Variants in LYZL2 observed in about 807,000 individuals in gnomAD.
LYZL2 encodes the protein lysozyme like 2, also known as lysozyme-like protein 2.
LYZL2 carries 13 observed loss-of-function variants against 17.1 expected under a neutral mutation model. That is an observed-to-expected ratio of 0.76 (90% CI 0.49 to 1.21). The LOEUF (loss-of-function observed/expected upper bound fraction) is 1.21. Ranked by LOEUF, LYZL2 falls within the 50% of genes most tolerant of loss-of-function variation. The pLI is 0.00. For missense variants in LYZL2, 166 were observed against 189.2 expected (o/e 0.88, Z 0.72); for synonymous variants, 63 against 74.4 (o/e 0.85, Z 0.79).
chr10:30,629,524 A>G (rs1352199108), intron 1 of LYZL2, 69 bp downstream of exon 1: 8 of 1,541,762 alleles, frequency 5.2e-6, no homozygotes, highest in Non-Finnish European at 6.2e-6. Context: ...CATGTTCTAC[A>G]TCCTTCAAGA....
intron 3 of LYZL2, among the ~76,000 whole-genome samples, chr10:30,617,703 AG>A (rs1258884460): frequency 1.4e-3 from 213 of 148,516 alleles, no homozygotes; most frequent in Non-Finnish European, 2.3e-3. Flanking sequence ...AAAAAAGAAA[AG>A]AAAAAGAAAA....
intron 3 of LYZL2, among the ~76,000 whole-genome samples, chr10:30,620,219 T>A (rs143974090): frequency 6.6e-6 from 1 of 152,346 alleles, no homozygotes; most frequent in East Asian, 1.9e-4. Context: ...AGATTTAAGA[T>A]GCTAATGAGA....
Position 30,626,165 on chromosome 10 carries a change from A to T in LYZL2, c.238T>A (p.Phe80Ile). ...AGCTTTCCGCGTCTGCACCACGCGA[A>T]GCTGTTGATCTGGAAGATGCCGTAG... ...IDYGIFQINS[F>I]AWCRRGKLKE... Residue 80 changes from phenylalanine (F) to isoleucine (I), a missense_variant, in exon 3 of 5, where the codon TTC becomes ATC. Phe to Ile is a conservative substitution (Grantham distance 21). This residue lies in a region of LYZL2 where 134 missense variants were observed against 129.4 expected (regional missense o/e 1.04). Coordinates refer to ENST00000647634, the MANE Select transcript of LYZL2 (RefSeq NM_183058.3). 1.9e-6 allele frequency: 3 copies of T among 1,614,140 alleles called. No homozygotes were observed. Among genetic ancestry groups the T allele is most frequent in the Non-Finnish European group, 2.5e-6 (3 of 1,179,966 alleles).
chr10:30,611,899 A>G lies in LYZL2; in HGVS notation c.*56T>C, dbSNP rs1226099160. The G allele has an allele frequency of 1.3e-5, 21 of 1,613,078 alleles. No homozygotes were observed. The highest frequency in any genetic ancestry group is 1.8e-5 in the Non-Finnish European group (21 of 1,179,754). ...GGGACAAGATGACACAGGCATTTGG[A>G]CATTCACTGCAAACCCTAGGGCGTT... is the stretch of plus-strand genomic sequence containing the variant. On this transcript the variant is annotated 3_prime_UTR_variant, in exon 5 of 5. Transcript: ENST00000647634.
chr10:30,625,877 G>A (rs1838693254), intron 3 of LYZL2, among the ~76,000 whole-genome samples: 1 of 152,196 alleles, frequency 6.6e-6, no homozygotes, highest in Admixed American at 6.5e-5. Flanking sequence ...CTGCTTTAGG[G>A]GAGGGCTTCA....
intron 3 of LYZL2, among the ~76,000 whole-genome samples, chr10:30,615,257 G>A (rs1297462994): frequency 7.2e-5 from 11 of 152,220 alleles, no homozygotes; most frequent in Non-Finnish European, 1.5e-4. Context: ...ACGGAAGGAC[G>A]TCATGCTAAG....
At chr10:30,615,097 A>G (rs1386441443) in intron 3 of LYZL2, among the ~76,000 whole-genome samples, 2 of 152,388 alleles carry the variant, frequency 1.3e-5, no homozygotes, top group Admixed American at 1.3e-4. Context: ...GGCTAATGCC[A>G]ATATGGCAGG....
intron 1 of LYZL2, 135 bp from the exon 2 acceptor site, chr10:30,627,075 G>A (rs28631040): frequency 0.23 from 261,619 of 1,129,010 alleles, 27,497 homozygotes; most frequent in African/African-American, 0.68. Flanking sequence ...AGGGAAAACC[G>A]GCCACTCTAC....
downstream of LYZL2, among the ~76,000 whole-genome samples, chr10:30,609,816 G>C (rs1838412188): frequency 6.6e-6 from 1 of 152,134 alleles, no homozygotes; most frequent in African/African-American, 2.4e-5. Context: ...ATTTCTGAAG[G>C]CATTAATTAT....
chr10:30,622,463 C>T (rs1038979313), intron 3 of LYZL2, among the ~76,000 whole-genome samples: 2 of 151,882 alleles, frequency 1.3e-5, no homozygotes, highest in Non-Finnish European at 2.9e-5. Context: ...GCAGAAGAAT[C>T]ACTTGAACCC....
At chr10:30,620,710 A>T (rs1381517881) in intron 3 of LYZL2, among the ~76,000 whole-genome samples, 1 of 152,214 alleles carries the variant, frequency 6.6e-6, no homozygotes, top group Admixed American at 6.5e-5. Flanking sequence ...GCTGATAAGA[A>T]ATTTAAATCA....
At chr10:30,608,166 A>G (rs1474045125), downstream of LYZL2, among the ~76,000 whole-genome samples, 3 of 152,076 alleles carry the variant, frequency 2.0e-5, no homozygotes, top group Non-Finnish European at 4.4e-5. Flanking sequence ...TGGTCTCCAA[A>G]TCCTGGGCTC....
intron 3 of LYZL2, among the ~76,000 whole-genome samples, chr10:30,624,510 T>G (rs191009715): frequency 6.6e-6 from 1 of 152,342 alleles, no homozygotes; most frequent in Admixed American, 6.5e-5. Flanking sequence ...CCATGGTTTT[T>G]CTATGATTTG....
chr10:30,614,741 T>A (rs1388211975), intron 3 of LYZL2, among the ~76,000 whole-genome samples: 2 of 152,196 alleles, frequency 1.3e-5, no homozygotes, highest in Non-Finnish European at 2.9e-5. Flanking sequence ...ATGGATTCAA[T>A]GTCTCAGGAA....
At chr10:30,615,682 T>C (rs1252021161) in intron 3 of LYZL2, among the ~76,000 whole-genome samples, 1 of 152,232 alleles carries the variant, frequency 6.6e-6, no homozygotes, top group Non-Finnish European at 1.5e-5. Flanking sequence ...AATTTTGATT[T>C]GTCAGTTATA....
chr10:30,606,726 G>A, the LYZL2 span, among the ~76,000 whole-genome samples: 29 of 152,134 alleles, frequency 1.9e-4, no homozygotes, highest in South Asian at 4.6e-3. Flanking sequence ...TCTCAAGGGC[G>A]CCCTGTCTAC....
chr10:30,608,579 C>T (rs1302015443), downstream of LYZL2, among the ~76,000 whole-genome samples: 3 of 152,132 alleles, frequency 2.0e-5, no homozygotes, highest in African/African-American at 7.2e-5. Context: ...TGAAGATCCC[C>T]GCAGGGCAGC....
At chr10:30,607,293 C>A (rs1838388476), downstream of LYZL2, among the ~76,000 whole-genome samples, 1 of 151,826 alleles carries the variant, frequency 6.6e-6, no homozygotes, top group Non-Finnish European at 1.5e-5. Context: ...CAGAGCCTAA[C>A]CAATAAGGTG....
rs1838496163 is a variant in LYZL2, at chr10:30,614,424, T to A, written c.299-1524A>T. On this transcript the variant is annotated intron_variant, in intron 3 of 4. Coordinates refer to ENST00000647634, the MANE Select transcript of LYZL2 (RefSeq NM_183058.3). ...TGAATGCCTCTGCCTCACACGTCAA[T>A]GGGTGTGGGTCACCCCGGAAGGGAG... Among the ~76,000 whole-genome samples, 4 of 152,276 alleles carry A rather than the reference T, an allele frequency of 2.6e-5. No individual in the cohort carries two copies. The South Asian group carries it at 8.3e-4, about 32-fold the overall frequency.
Sources: gnomAD v4.1 joint callset for allele counts (sites outside exome capture counted in the v4.1 genomes callset) on GRCh38, gnomAD v4.1.1 for gene constraint, gnomAD v4.1.1 regional missense constraint, MANE v1.5 for transcripts, NCBI Gene and HGNC (gene_info 2026-07-23, HGNC 2026-07-21) for gene names.